The following TPRG1 variants were observed in gnomAD, a reference collection of about 807,000 sequenced individuals.
TPRG1 encodes the protein tumor protein p63-regulated gene 1 protein.
A neutral mutation model predicts 29.3 loss-of-function variants in TPRG1; 29 were observed. That is an observed-to-expected ratio of 0.99 (90% CI 0.74 to 1.35). The LOEUF (loss-of-function observed/expected upper bound fraction) is 1.35, where lower values mean the gene tolerates loss of function less well. Ranked by LOEUF, TPRG1 falls within the 40% of genes most tolerant of loss-of-function variation. The probability of loss-of-function intolerance (pLI) is 0.00; values close to 1 mark genes in which losing one functional copy is unlikely to be tolerated. For missense variants in TPRG1, 327 were observed against 335.0 expected, an observed-to-expected ratio of 0.98 and a Z score of 0.19; for synonymous variants, 130 against 116.8, an observed-to-expected ratio of 1.11 and a Z score of -0.73.
intron 4 of TPRG1, among the ~76,000 whole-genome samples, chr3:189,274,689 G>T (rs1255099957): frequency 6.6e-6 from 1 of 152,092 alleles, no homozygotes; most frequent in East Asian, 1.9e-4. Context: ...TCCAGGATTT[G>T]CTACCTTCTC....
At chr3:189,056,294 C>T (rs1014790978) in intron 4 of TPRG1, among the ~76,000 whole-genome samples, 2 of 152,066 alleles carry the variant, frequency 1.3e-5, no homozygotes, top group Non-Finnish European at 2.9e-5. Context: ...CGGGGTTTTG[C>T]CATGTTGGCC....
At chr3:189,142,443 C>T (rs1366299931) in intron 3 of TPRG1, among the ~76,000 whole-genome samples, 1 of 152,108 alleles carries the variant, frequency 6.6e-6, no homozygotes, top group Admixed American at 6.5e-5. Flanking sequence ...AGATCCTACC[C>T]CCTGCCCCCA....
At chr3:189,219,534 G>T (rs764051133) in intron 3 of TPRG1, 69 of 926,408 alleles carry the variant, frequency 7.4e-5, no homozygotes, top group Non-Finnish European at 8.6e-5. Context: ...AAAAAAAAAA[G>T]ATTATTTTAA....
intron 4 of TPRG1, among the ~76,000 whole-genome samples, chr3:189,292,980 C>T (rs1176217499): frequency 6.6e-6 from 1 of 152,100 alleles, no homozygotes; most frequent in Admixed American, 6.5e-5. Flanking sequence ...TCTGGGGTCC[C>T]ACATGTGCTT....
intron 4 of TPRG1, among the ~76,000 whole-genome samples, chr3:189,041,300 A>G (rs1714617550): frequency 6.6e-6 from 1 of 152,166 alleles, no homozygotes; most frequent in Non-Finnish European, 1.5e-5. Context: ...CTAGGTCCCA[A>G]ATGATAAACT....
At chr3:189,050,010 A>G (rs7428755) in intron 4 of TPRG1, among the ~76,000 whole-genome samples, 1 of 152,204 alleles carries the variant, frequency 6.6e-6, no homozygotes, top group East Asian at 1.9e-4. Flanking sequence ...ATCTAAGGTC[A>G]CGCCTCAAGG....
At chr3:189,250,913 G>A (rs1032273827) in intron 4 of TPRG1, among the ~76,000 whole-genome samples, 3 of 152,032 alleles carry the variant, frequency 2.0e-5, no homozygotes, top group Non-Finnish European at 4.4e-5. Context: ...TGAGAAATGC[G>A]AGACTTACAG....
intron 4 of TPRG1, among the ~76,000 whole-genome samples, chr3:189,061,078 A>G (rs112386175): frequency 6.6e-6 from 1 of 152,226 alleles, no homozygotes; most frequent in Non-Finnish European, 1.5e-5. Context: ...GAACAGCATG[A>G]TACTGGTATG....
rs141808035 is a variant in TPRG1 at position 188,997,984 on chromosome 3, A to ACATTCATT, written c.-1015-2772_-1015-2765dup. 7.5e-3 allele frequency among the ~76,000 whole-genome samples: 1,137 copies of ACATTCATT among 152,182 alleles called. 9 individuals are homozygous for ACATTCATT. The highest frequency in any genetic ancestry group is 0.026 in the African/African-American group (1,063 of 41,482). The stretch of plus-strand genomic sequence containing the variant: ...ACCCTTGCCAGAGAAAAAAAAATTC[A>ACATTCATT]CATTCATTCATTCATTCATTCATTC... On this transcript the variant is annotated intron_variant, in intron 1 of 10. Transcript: ENST00000433971.
At chr3:189,015,815 A>G in intron 3 of TPRG1, among the ~76,000 whole-genome samples, 1 of 152,130 alleles carries the variant, frequency 6.6e-6, no homozygotes, top group East Asian at 1.9e-4. Flanking sequence ...GAGGTTTGGG[A>G]ACCTCCACTT....
rs1212143053 is a variant in TPRG1, at chr3:189,262,219, T to TAAGTATAA, written c.479+23311_479+23318dup. Among the ~76,000 whole-genome samples the TAAGTATAA allele has an allele frequency of 3.3e-5, 5 of 150,790 alleles. No homozygotes were observed. In the East Asian group the frequency reaches 5.9e-4, roughly 18 times the overall value. On this transcript the variant is annotated intron_variant, in intron 4 of 5. Coordinates refer to ENST00000345063, the MANE Select transcript of TPRG1 (RefSeq NM_198485.4). ...AGAAGACTTGGTATAAGTATAAGTA[T>TAAGTATAA]AAGTATAAGTATAAGTATAAGTATA...
chr3:189,029,713 G>A (rs370938911), intron 4 of TPRG1, among the ~76,000 whole-genome samples: 4 of 152,158 alleles, frequency 2.6e-5, no homozygotes, highest in African/African-American at 9.7e-5. Context: ...AGTGGGAGGT[G>A]TTTGGATCCT....
chr3:189,032,747 C>A (rs538306013), intron 4 of TPRG1, among the ~76,000 whole-genome samples: 3 of 106,894 alleles, frequency 2.8e-5, no homozygotes, highest in South Asian at 4.3e-4. Context: ...TCCCTCCCCC[C>A]TCCCCCCACC....
chr3:189,193,549 A>G (rs1404636114), intron 1 of TPRG1, among the ~76,000 whole-genome samples: 1 of 151,678 alleles, frequency 6.6e-6, no homozygotes, highest in Non-Finnish European at 1.5e-5. Context: ...CATGATACAA[A>G]TATTTGTTCA....
intron 4 of TPRG1, among the ~76,000 whole-genome samples, chr3:189,301,172 G>A (rs776913060): frequency 5.1e-4 from 77 of 151,770 alleles, no homozygotes; most frequent in African/African-American, 1.6e-3. Context: ...GGTGTCACAC[G>A]CCTGTAGTCC....
intron 2 of TPRG1, among the ~76,000 whole-genome samples, chr3:189,210,620 A>T (rs908847467): frequency 2.0e-5 from 3 of 152,220 alleles, no homozygotes; most frequent in African/African-American, 7.2e-5. Context: ...ATTTCCACAA[A>T]GTCTCTGGTG....
At chr3:189,150,905 C>A (rs1196702044) in intron 5 of TPRG1, 1 of 152,132 alleles carries the variant, frequency 6.6e-6, no homozygotes, top group Non-Finnish European at 1.5e-5. Context: ...CTCCTACAGC[C>A]CCAAATCTCC....
chr3:189,120,831 A>G (rs1328994382), intron 1 of TPRG1, among the ~76,000 whole-genome samples: 2 of 152,194 alleles, frequency 1.3e-5, no homozygotes, highest in Non-Finnish European at 2.9e-5. Flanking sequence ...TGTGTTTTGA[A>G]AATCTTCTAA....
At chr3:189,215,867 G>C (rs1735991205) in intron 3 of TPRG1, among the ~76,000 whole-genome samples, 1 of 152,078 alleles carries the variant, frequency 6.6e-6, no homozygotes, top group African/African-American at 2.4e-5. Flanking sequence ...AGCTAAGTCA[G>C]GTACATTTCC....
Sources: allele counts gnomAD v4.1 joint callset (sites outside exome capture counted in the v4.1 genomes callset), GRCh38; gene constraint gnomAD v4.1.1; transcripts MANE v1.5; gene names NCBI Gene and HGNC (gene_info 2026-07-23, HGNC 2026-07-21).